The following MAP3K7 variants were observed in gnomAD, a reference collection of about 807,000 sequenced individuals.
MAP3K7 encodes TGF-beta activated kinase 1.
Under a neutral mutation model 84.8 loss-of-function variants are expected in MAP3K7, and 21 were observed. That is an observed-to-expected ratio of 0.25 (90% CI 0.18 to 0.36). The LOEUF (loss-of-function observed/expected upper bound fraction) is 0.36, where lower values mean the gene tolerates loss of function less well. MAP3K7 is among the 10% of genes least tolerant of loss of function. The pLI is 1.00. For synonymous variants in MAP3K7, 241 were observed against 247.7 expected, an observed-to-expected ratio of 0.97 and a Z score of 0.25; for missense variants, 503 against 747.7, an observed-to-expected ratio of 0.67 and a Z score of 3.82.
intron 1 of MAP3K7, among the ~76,000 whole-genome samples, chr6:90,581,186 A>C (rs998625809): frequency 2.6e-5 from 4 of 152,208 alleles, no homozygotes; most frequent in Non-Finnish European, 5.9e-5. Flanking sequence ...AAAACAACCA[A>C]ACACACACCT....
intron 13 of MAP3K7, among the ~76,000 whole-genome samples, chr6:90,525,747 T>C (rs1775301258): frequency 6.6e-6 from 1 of 151,920 alleles, no homozygotes; most frequent in Non-Finnish European, 1.5e-5. Flanking sequence ...TTAAAATATT[T>C]TGTAGAGCCA....
rs771651604 is a variant in MAP3K7 at position 90,568,675 on chromosome 6, A to G, written c.232-52T>C. The stretch of plus-strand genomic sequence containing the variant: ...AAAAGTGATAACTTTTGAAGTACTG[A>G]TTTCACAGTATCATTAAAATCTTAC... On this transcript the variant is annotated intron_variant, in intron 2 of 16. Transcript: ENST00000369329. The G allele has an allele frequency of 1.3e-5, 17 of 1,261,544 alleles. No individual in the cohort carries two copies. In the East Asian group the frequency reaches 3.5e-4, roughly 26 times the overall value. 78.1% of individuals were successfully genotyped at this position (1,261,544 alleles called of 1,614,324 possible).
At chr6:90,576,164 C>T (rs1211476857) in intron 1 of MAP3K7, among the ~76,000 whole-genome samples, 1 of 152,088 alleles carries the variant, frequency 6.6e-6, no homozygotes, top group Non-Finnish European at 1.5e-5. Flanking sequence ...TGACACAAGG[C>T]ACCAATCCCA....
chr6:90,579,874 C>CA (rs1582245672), intron 1 of MAP3K7, among the ~76,000 whole-genome samples: 1 of 152,012 alleles, frequency 6.6e-6, no homozygotes, highest in Non-Finnish European at 1.5e-5. Context: ...GACAGACAAA[C>CA]AAAAAATTGT....
At chr6:90,540,361 G>A (rs1775816355) in intron 12 of MAP3K7, among the ~76,000 whole-genome samples, 1 of 151,746 alleles carries the variant, frequency 6.6e-6, no homozygotes, top group African/African-American at 2.4e-5. Context: ...AGAATGGATG[G>A]TTTTCAAGTA....
At position 90,515,838 on chromosome 6, in the gene MAP3K7, TCA is replaced by T. The variant is rs754775854; in HGVS notation, c.*661_*662del. The T allele has an allele frequency of 1.3e-5, 2 of 152,296 alleles. No homozygotes were observed. The highest frequency in any genetic ancestry group is 2.9e-5 in the Non-Finnish European group (2 of 67,938). The allele number at this position is 152,296 out of a possible 1,614,324, so 9.4% of individuals were successfully genotyped here. On this transcript the variant is annotated 3_prime_UTR_variant, in exon 17 of 17. Coordinates refer to ENST00000369329, the MANE Select transcript of MAP3K7 (RefSeq NM_145331.3). ...AATGAGTTCCATTTTGTTCAATGTATCACAATCAAATTTTAGTCTAACAAAAT... is the reference window on the plus strand; with the variant it reads ...AATGAGTTCCATTTTGTTCAATGTATCAATCAAATTTTAGTCTAACAAAAT...
At chr6:90,525,016 C>G (rs1775273476) in intron 13 of MAP3K7, among the ~76,000 whole-genome samples, 1 of 149,292 alleles carries the variant, frequency 6.7e-6, no homozygotes, top group Admixed American at 6.7e-5. Context: ...CAACTCAAAA[C>G]TTGAAAGAAA....
chr6:90,549,035 C>T (rs189739055), intron 9 of MAP3K7, among the ~76,000 whole-genome samples: 24 of 152,042 alleles, frequency 1.6e-4, no homozygotes, highest in East Asian at 7.7e-4. Flanking sequence ...ATACAGACTA[C>T]GTATGTTTTA....
intron 13 of MAP3K7, 45 bp from the exon 14 acceptor site, chr6:90,523,828 TA>T (rs760269241): frequency 1.4e-4 from 167 of 1,159,302 alleles, no homozygotes; most frequent in Middle Eastern, 1.9e-4. Context: ...ATTTTTTGAT[TA>T]AAAAAAATGA....
At chr6:90,556,406 A>T in intron 6 of MAP3K7, 94 bp downstream of exon 6, 1 of 1,369,154 alleles carries the variant, frequency 7.3e-7, no homozygotes, top group Non-Finnish European at 1.0e-6. Context: ...TTATGCAGAA[A>T]TAAAACCATG....
chr6:90,582,419 T>A (rs1472067870), intron 1 of MAP3K7, among the ~76,000 whole-genome samples: 2 of 152,234 alleles, frequency 1.3e-5, no homozygotes, highest in African/African-American at 4.8e-5. Context: ...CAAAAGTGAA[T>A]AAAGCGCCTT....
chr6:90,534,262 C>A (rs1487441013), intron 13 of MAP3K7, among the ~76,000 whole-genome samples: 2 of 152,160 alleles, frequency 1.3e-5, no homozygotes, highest in Non-Finnish European at 2.9e-5. Context: ...TGAATATCAT[C>A]TTTGTGAGTA....
chr6:90,582,373 T>A (rs1229567129), intron 1 of MAP3K7, among the ~76,000 whole-genome samples: 1 of 152,208 alleles, frequency 6.6e-6, no homozygotes, highest in Non-Finnish European at 1.5e-5. Flanking sequence ...AACAAATATG[T>A]ATAGAGAACC....
intron 10 of MAP3K7, 122 bp from the exon 11 acceptor site, chr6:90,547,509 G>C (rs1267386132): frequency 8.9e-7 from 1 of 1,119,608 alleles, no homozygotes; most frequent in Non-Finnish European, 1.3e-6. Context: ...TCTGAAAGGA[G>C]AGGGAAGTTT....
rs888703330 is a variant in MAP3K7, at chr6:90,515,381, G to A, written c.*1120C>T. On this transcript the variant is annotated 3_prime_UTR_variant, in exon 17 of 17. Coordinates refer to ENST00000369329, the MANE Select transcript of MAP3K7 (RefSeq NM_145331.3). ...TTACTGTTAACAATATAAATACTCT[G>A]TAAGTGTTGAAATTCTCTTGAAAGT... 1 of 151,898 alleles carries A rather than the reference G, an allele frequency of 6.6e-6. No individual in the cohort carries two copies. Among genetic ancestry groups the A allele is most frequent in the Non-Finnish European group, 1.5e-5 (1 of 67,904 alleles). The allele number at this position is 151,898 out of a possible 1,614,324, so 9.4% of individuals were successfully genotyped here.
intron 14 of MAP3K7, among the ~76,000 whole-genome samples, chr6:90,522,692 C>A (rs935163314): frequency 2.0e-4 from 30 of 152,082 alleles, no homozygotes; most frequent in African/African-American, 6.8e-4. Flanking sequence ...AAACATAGTT[C>A]TATCTTACAT....
chr6:90,518,017 T>G (rs984703400), intron 16 of MAP3K7, among the ~76,000 whole-genome samples: 1 of 151,782 alleles, frequency 6.6e-6, no homozygotes, highest in Non-Finnish European at 1.5e-5. Flanking sequence ...GCAGTTTCTA[T>G]AACTCCTCAG....
Position 90,518,453 on chromosome 6 carries a change from T to C in MAP3K7, c.1634A>G (p.Gln545Arg), listed in dbSNP as rs1166077451. 2.0e-6 allele frequency: 3 copies of C among 1,513,376 alleles called. No individual in the cohort carries two copies. The highest frequency in any genetic ancestry group is 2.7e-6 in the Non-Finnish European group (3 of 1,096,242). 93.7% of individuals were successfully genotyped at this position (1,513,376 alleles called of 1,614,324 possible). A position where few individuals can be genotyped will look rare whatever the true frequency, so the allele number is the denominator to read the frequency against. Residue 545 changes from glutamine to arginine, a missense_variant, in exon 16 of 17, where the codon CAG (glutamine) becomes CGG (arginine). By Grantham distance (43) the Gln-to-Arg change is conservative (BLOSUM62 1). Coordinates refer to ENST00000369329, the MANE Select transcript of MAP3K7 (RefSeq NM_145331.3). Reference protein sequence around the residue: ...KVQTEIALLLQRKQELVAELD... With the variant: ...KVQTEIALLLRRKQELVAELD... ...TTCATAAAAAATAACTTACTTTCTC[T>C]GTAATAACAATGCAATTTCTGTTTG...
chr6:90,521,527 A>T (rs577412149), intron 14 of MAP3K7, among the ~76,000 whole-genome samples: 6 of 152,164 alleles, frequency 3.9e-5, no homozygotes, highest in African/African-American at 1.4e-4. Flanking sequence ...TGTTGAACTG[A>T]TTTCTCTTAC....
Sources: gnomAD v4.1 joint callset for allele counts (sites outside exome capture counted in the v4.1 genomes callset) on GRCh38, gnomAD v4.1.1 for gene constraint, MANE v1.5 for transcripts, NCBI Gene and HGNC (gene_info 2026-07-23, HGNC 2026-07-21) for gene names.